The following TMEM45A variants were observed in gnomAD, a reference collection of about 807,000 sequenced individuals.
TMEM45A encodes the protein transmembrane protein 45A.
A neutral mutation model predicts 32.0 loss-of-function variants in TMEM45A; 25 were observed. The observed-to-expected ratio is 0.78, with a 90% CI of 0.57 to 1.09. The LOEUF (loss-of-function observed/expected upper bound fraction) is 1.09, where lower values mean the gene tolerates loss of function less well. TMEM45A is among the 50% of genes least tolerant of loss of function. The pLI is 0.00. For missense variants in TMEM45A, 302 were observed against 325.0 expected, an observed-to-expected ratio of 0.93 and a Z score of 0.54; for synonymous variants, 122 against 114.8, an observed-to-expected ratio of 1.06 and a Z score of -0.40.
chr3:100,504,250 A>T (rs75763859), intron 1 of TMEM45A, among the ~76,000 whole-genome samples: 65 of 88,652 alleles, frequency 7.3e-4, no homozygotes, highest in African/African-American at 1.4e-3. Flanking sequence ...ATATTTTTAT[A>T]AAAAAAAAAA....
intron 1 of TMEM45A, among the ~76,000 whole-genome samples, chr3:100,538,202 A>G (rs1705781293): frequency 6.6e-6 from 1 of 152,214 alleles, no homozygotes; most frequent in Admixed American, 6.5e-5. Context: ...AGGCAGAGAG[A>G]TGTATATCCC....
chr3:100,517,533 T>C (rs1326437764), intron 1 of TMEM45A, among the ~76,000 whole-genome samples: 1 of 152,272 alleles, frequency 6.6e-6, no homozygotes, highest in East Asian at 1.9e-4. Context: ...CTTTTCCATG[T>C]GTTAGTTAAC....
chr3:100,556,384 G>T (rs1254992225), intron 2 of TMEM45A, among the ~76,000 whole-genome samples: 2 of 152,184 alleles, frequency 1.3e-5, no homozygotes, highest in African/African-American at 4.8e-5. Flanking sequence ...GCTACCCAAA[G>T]ATGTAGTATT....
chr3:100,564,551 T>C lies in TMEM45A; in HGVS notation c.589-4271T>C, dbSNP rs143434279. On this transcript the variant is annotated intron_variant, in intron 4 of 5. Coordinates refer to ENST00000323523, the MANE Select transcript of TMEM45A (RefSeq NM_018004.3). The stretch of plus-strand genomic sequence containing the variant: ...GGGCCAGGAGTGCAGTGGCACAATC[T>C]CAGCTCACTGCCACCTCCACCTCCC... Among the ~76,000 whole-genome samples, 41 of 151,568 alleles carry C rather than the reference T, an allele frequency of 2.7e-4. 1 individual carries two copies. The East Asian group carries it at 8.0e-3, about 29-fold the overall frequency.
At chr3:100,529,683 G>A (rs1187027579) in intron 1 of TMEM45A, among the ~76,000 whole-genome samples, 2 of 152,132 alleles carry the variant, frequency 1.3e-5, no homozygotes, top group African/African-American at 4.8e-5. Context: ...GTGCAGTGGA[G>A]TGATCTAGCT....
intron 1 of TMEM45A, among the ~76,000 whole-genome samples, chr3:100,539,700 C>T (rs1705826869): frequency 6.6e-6 from 1 of 151,988 alleles, no homozygotes; most frequent in Admixed American, 6.6e-5. Flanking sequence ...GTGAATTCAC[C>T]CTTATTCTAC....
In TMEM45A at chr3:100,513,378, A is replaced by G. The variant is rs1300550644; in HGVS notation, c.-4+20450A>G. Among the ~76,000 whole-genome samples, 6 of 151,760 alleles carry G rather than the reference A, an allele frequency of 4.0e-5. No individual in the cohort carries two copies. The South Asian group carries it at 1.2e-3, about 32-fold the overall frequency. On this transcript the variant is annotated intron_variant, in intron 1 of 5. Transcript: ENST00000323523. ...AAACAGAACCAAAGACAAAAACCAC[A>G]TGATTATCTCAATAGATGCAGAAAA...
intron 1 of TMEM45A, among the ~76,000 whole-genome samples, chr3:100,521,900 G>A (rs1174525545): frequency 6.6e-6 from 1 of 152,200 alleles, no homozygotes; most frequent in Non-Finnish European, 1.5e-5. Flanking sequence ...GTAATGAGGA[G>A]TATTTATTTT....
At chr3:100,555,102 T>C (rs1706186885) in intron 1 of TMEM45A, 107 bp from the exon 2 acceptor site, 1 of 962,374 alleles carries the variant, frequency 1.0e-6, no homozygotes, top group Non-Finnish European at 1.6e-6. Context: ...CTCAGTGATG[T>C]ATCCATAATA....
chr3:100,519,200 G>C (rs891385105), intron 1 of TMEM45A: 1 of 242,892 alleles, frequency 4.1e-6, no homozygotes, highest in African/African-American at 2.2e-5. Flanking sequence ...GTTGCAATGT[G>C]TATGCTGGTG....
intron 5 of TMEM45A, chr3:100,572,618 G>A (rs1706589566): frequency 6.6e-6 from 1 of 151,972 alleles, no homozygotes. Flanking sequence ...GATCCCATTT[G>A]TCAATTTTGT....
At chr3:100,524,414 C>A (rs1040727117) in intron 1 of TMEM45A, among the ~76,000 whole-genome samples, 1 of 152,072 alleles carries the variant, frequency 6.6e-6, no homozygotes. Context: ...CTTTTTCCTT[C>A]CCATGTATCT....
intron 1 of TMEM45A, among the ~76,000 whole-genome samples, chr3:100,553,872 A>C (rs1485680625): frequency 6.6e-6 from 1 of 152,154 alleles, no homozygotes; most frequent in African/African-American, 2.4e-5. Flanking sequence ...CACCACTGAG[A>C]TATAAGAGAC....
intron 1 of TMEM45A, among the ~76,000 whole-genome samples, chr3:100,542,300 C>G (rs1313548502): frequency 1.3e-5 from 2 of 152,048 alleles, no homozygotes; most frequent in African/African-American, 4.8e-5. Flanking sequence ...GAATGTTTTT[C>G]CATTTGTTTA....
intron 1 of TMEM45A, among the ~76,000 whole-genome samples, chr3:100,512,137 G>A (rs11920506): frequency 0.15 from 22,051 of 151,924 alleles, 2,014 homozygotes; most frequent in Middle Eastern, 0.21. Context: ...ATAGACATCT[G>A]CAGAACTCTC....
At position 100,576,949 on chromosome 3, in the gene TMEM45A, GC is replaced by G. The variant is rs1333080477; in HGVS notation, c.760del (p.Leu254SerfsTer9). On this transcript the variant is annotated frameshift_variant, in exon 6 of 6. Transcript: ENST00000323523. LOFTEE classifies it high-confidence loss of function. ...GGTTGGTTAAATCTAGACTTAAGAG[GC>G]TCTGCTCCTCAGAAGTTGGACTTCT... is the stretch of plus-strand genomic sequence containing the variant. Reference protein sequence around the residue: ...TWLVKSRLKRLCSSEVGLLKN... With the variant: ...TWLVKSRLKRXCSSEVGLLKN... The G allele has an allele frequency of 2.5e-6, 4 of 1,613,308 alleles. No homozygotes were observed. In the African/African-American group the frequency reaches 4.0e-5, roughly 16 times the overall value.
chr3:100,564,124 G>A (rs1706382291), intron 4 of TMEM45A, among the ~76,000 whole-genome samples: 1 of 152,134 alleles, frequency 6.6e-6, no homozygotes, highest in African/African-American at 2.4e-5. Flanking sequence ...TGTATTCTGT[G>A]TCCTAGGATA....
intron 1 of TMEM45A, among the ~76,000 whole-genome samples, chr3:100,537,904 A>G (rs1705775316): frequency 1.3e-5 from 2 of 152,152 alleles, no homozygotes; most frequent in South Asian, 2.1e-4. Context: ...ACTGCGCTGA[A>G]CCAAAGAGAA....
chr3:100,559,975 C>G (rs915503275), intron 4 of TMEM45A, among the ~76,000 whole-genome samples: 1 of 152,098 alleles, frequency 6.6e-6, no homozygotes, highest in African/African-American at 2.4e-5. Context: ...TCGAGCTGAG[C>G]CTGCAGGCCC....
Sources: allele counts gnomAD v4.1 joint callset (sites outside exome capture counted in the v4.1 genomes callset), GRCh38; gene constraint gnomAD v4.1.1; transcripts MANE v1.5; gene names NCBI Gene and HGNC (gene_info 2026-07-23, HGNC 2026-07-21).